Variants in PDPK1 observed in about 807,000 individuals in gnomAD.
The protein encoded by PDPK1 is 3-phosphoinositide dependent protein kinase 1, also known as 3-phosphoinositide-dependent protein kinase 1.
In PDPK1, 7 loss-of-function variants were observed where a neutral mutation model predicts 39.8. That is an observed-to-expected ratio of 0.18 (90% CI 0.10 to 0.33). PDPK1 has a LOEUF of 0.33. PDPK1 is among the 10% of genes least tolerant of loss of function. PDPK1 has a pLI of 1.00. For synonymous variants in PDPK1, 118 were observed against 159.1 expected (o/e 0.74, Z 1.95); for missense variants, 182 against 384.7 (o/e 0.47, Z 4.41).
At chr16:2,591,149 G>A (rs1597069302) in intron 11 of PDPK1, among the ~76,000 whole-genome samples, 3 of 152,208 alleles carry the variant, frequency 2.0e-5, no homozygotes, top group East Asian at 3.9e-4. Flanking sequence ...TTATAGTAGA[G>A]ACGTGGTTTC....
rs1428606651 is a variant in PDPK1, at chr16:2,544,950, A to G, written c.24+6814A>G. Among the ~76,000 whole-genome samples, 3 of 151,774 alleles carry G rather than the reference A, an allele frequency of 2.0e-5. No homozygotes were observed. In the East Asian group the frequency reaches 5.8e-4, roughly 29 times the overall value. Reference sequence around the variant, plus strand: ...CACACACATGATAGCATTTCACCCCAGAATCCTTCTCCAGATGCCTTCTGA... The same window carrying G: ...CACACACATGATAGCATTTCACCCCGGAATCCTTCTCCAGATGCCTTCTGA... On this transcript the variant is annotated intron_variant, in intron 1 of 13. Coordinates refer to ENST00000342085, the MANE Select transcript of PDPK1 (RefSeq NM_002613.5).
chr16:2,595,664 C>T (rs977454996), intron 11 of PDPK1, 129 bp from the exon 12 acceptor site: 1 of 735,460 alleles, frequency 1.4e-6, no homozygotes, highest in South Asian at 1.6e-5. Flanking sequence ...GTTCTCTGCT[C>T]ATCCCAAAGT....
chr16:2,597,817 G>A lies in PDPK1; in HGVS notation c.*50G>A, dbSNP rs770298078. 20 of 1,336,048 alleles carry A rather than the reference G, an allele frequency of 1.5e-5. No homozygotes were observed. The highest frequency in any genetic ancestry group is 8.3e-5 in the South Asian group (7 of 84,078). The allele number at this position is 1,336,048 out of a possible 1,614,324, so 82.8% of individuals were successfully genotyped here. A position where few individuals can be genotyped will look rare whatever the true frequency, so the allele number is the denominator to read the frequency against. On this transcript the variant is annotated 3_prime_UTR_variant, in exon 14 of 14. Coordinates refer to ENST00000342085, the MANE Select transcript of PDPK1 (RefSeq NM_002613.5). The surrounding 1 kb of genome is among the most constrained non-coding windows in gnomAD (Gnocchi z 6.3). ...TCGCTGCCAGGACACCTGCCCCAGCGCGGCTTGGCCGCCATCCGGGACGCT... is the reference window on the plus strand; with the variant it reads ...TCGCTGCCAGGACACCTGCCCCAGCACGGCTTGGCCGCCATCCGGGACGCT...
Position 2,586,826 on chromosome 16 carries a change from C to T in PDPK1, c.1276C>T (p.Leu426=), listed in dbSNP as rs1286944865. ...IHDLDSNSFE[L]DLQFSEDEKR... Reference sequence around the variant, plus strand: ...CGATCTGGACTCGAACTCCTTTGAACTGGACTTACAGTTTTCCGAAGATGA... The same window carrying T: ...CGATCTGGACTCGAACTCCTTTGAATTGGACTTACAGTTTTCCGAAGATGA... Residue 426 remains leucine, a synonymous_variant, in exon 11 of 14, where the codon CTG becomes TTG. Transcript: ENST00000342085. The T allele has an allele frequency of 1.2e-6, 2 of 1,614,148 alleles. No homozygotes were observed. Among genetic ancestry groups the T allele is most frequent in the South Asian group, 1.1e-5 (1 of 91,092 alleles).
chr16:2,538,273 C>G (rs984556564), intron 1 of PDPK1, 137 bp downstream of exon 1: 2 of 313,402 alleles, frequency 6.4e-6, no homozygotes, highest in South Asian at 1.1e-4. Flanking sequence ...GCGGCCGGGC[C>G]GGGGATGGCG....
In PDPK1 at chr16:2,551,828, A is replaced by G. The variant is rs1380695324; in HGVS notation, c.25-5875A>G. On this transcript the variant is annotated intron_variant, in intron 1 of 13. Transcript: ENST00000342085. ...ATTATAGCTGCACACCACCACACCCAGCTAATGTTTGTATCTTTAGTAGAG... is the reference window on the plus strand; with the variant it reads ...ATTATAGCTGCACACCACCACACCCGGCTAATGTTTGTATCTTTAGTAGAG... Among the ~76,000 whole-genome samples the G allele has an allele frequency of 2.6e-5, 4 of 151,120 alleles. No homozygotes were observed. In the East Asian group the frequency reaches 7.8e-4, roughly 29 times the overall value.
At chr16:2,550,568 C>T (rs2066395010) in intron 1 of PDPK1, 2 of 37,084 alleles carry the variant, frequency 5.4e-5, no homozygotes, top group Admixed American at 8.6e-4. Context: ...GTTTGTGTGA[C>T]AAATATACAA....
chr16:2,542,334 A>T (rs867021065), intron 1 of PDPK1, among the ~76,000 whole-genome samples: 1 of 150,148 alleles, frequency 6.7e-6, no homozygotes, highest in African/African-American at 2.5e-5. Context: ...TATTTATTTA[A>T]TTTATTTATT....
chr16:2,545,057 G>C (rs550874816), intron 1 of PDPK1, among the ~76,000 whole-genome samples: 1 of 136,352 alleles, frequency 7.3e-6, no homozygotes, highest in African/African-American at 2.8e-5. Flanking sequence ...TTTTTTTTGA[G>C]ATGGAATCTC....
intron 1 of PDPK1, among the ~76,000 whole-genome samples, chr16:2,545,299 C>T (rs960267601): frequency 2.0e-5 from 3 of 151,962 alleles, no homozygotes; most frequent in Non-Finnish European, 2.9e-5. Flanking sequence ...CACCTGTCCT[C>T]CTCAAAGCTC....
At position 2,545,427 on chromosome 16, in the gene PDPK1, G is replaced by C. The variant is rs138042455; in HGVS notation, c.24+7291G>C. On this transcript the variant is annotated intron_variant, in intron 1 of 13. Transcript: ENST00000342085. ...GCTCACTGCAGCCTTGAACTCCCTT[G>C]GGCTCAAGCCATCCTCCAGCCTTAG... Among the ~76,000 whole-genome samples the C allele has an allele frequency of 9.4e-4, 143 of 151,604 alleles. 1 individual carries two copies. In the East Asian group the frequency reaches 0.023, roughly 24 times the overall value.
intron 1 of PDPK1, chr16:2,538,608 C>A (rs2066182910): frequency 2.3e-6 from 3 of 1,288,772 alleles, no homozygotes; most frequent in Non-Finnish European, 2.0e-6. Flanking sequence ...CTCCTGGGCC[C>A]CCTTTTCCAG....
rs182493826 is a variant in PDPK1, at chr16:2,601,276, A to G, written c.*3509A>G. ...GATTCTGAACAAATCGGTTTCTGAT[A>G]AGCCATGTGTTCCAAAGAATGTCTG... On this transcript the variant is annotated 3_prime_UTR_variant, in exon 14 of 14. Coordinates refer to ENST00000342085, the MANE Select transcript of PDPK1 (RefSeq NM_002613.5). 1 of 234,544 alleles carries G rather than the reference A, an allele frequency of 4.3e-6. No homozygotes were observed. The highest frequency in any genetic ancestry group is 5.6e-5 in the Admixed American group (1 of 17,790). The allele number at this position is 234,544 out of a possible 1,614,324, so 14.5% of individuals were successfully genotyped here.
intron 1 of PDPK1, among the ~76,000 whole-genome samples, chr16:2,551,689 G>A (rs566095487): frequency 1.4e-5 from 2 of 143,122 alleles, no homozygotes; most frequent in African/African-American, 2.6e-5. Context: ...GTTTTTAGAC[G>A]GAGTTTCGCT....
intron 11 of PDPK1, chr16:2,592,695 T>C (rs571499316): frequency 3.8e-4 from 151 of 401,404 alleles, no homozygotes; most frequent in African/African-American, 2.9e-3. Context: ...AAAATCAAGG[T>C]GATTCCTGGA....
intron 2 of PDPK1, among the ~76,000 whole-genome samples, chr16:2,558,539 G>T (rs1435126879): frequency 6.7e-6 from 1 of 150,156 alleles, no homozygotes; most frequent in Non-Finnish European, 1.5e-5. Flanking sequence ...ACCTGTCTTC[G>T]GGGTGTTTTT....
intron 6 of PDPK1, among the ~76,000 whole-genome samples, chr16:2,573,756 A>G (rs3112673): frequency 1.4e-4 from 20 of 138,778 alleles, no homozygotes; most frequent in African/African-American, 2.8e-4. Flanking sequence ...AAAAAATAGA[A>G]TTGTGAATTT....
chr16:2,593,055 G>A lies in PDPK1; in HGVS notation c.1344-2738G>A, dbSNP rs2067023841. On this transcript the variant is annotated intron_variant, in intron 11 of 13. Coordinates refer to ENST00000342085, the MANE Select transcript of PDPK1 (RefSeq NM_002613.5). The surrounding 1 kb of genome is among the most constrained non-coding windows in gnomAD (Gnocchi z 4.2). ...TTTCTCAGGATGGATTTCTGGAAGCGAGGCTACTTCTCAGTACTATTTCCG... is the reference window on the plus strand; with the variant it reads ...TTTCTCAGGATGGATTTCTGGAAGCAAGGCTACTTCTCAGTACTATTTCCG... The A allele has an allele frequency of 2.2e-6, 1 of 456,466 alleles. No individual in the cohort carries two copies. The highest frequency in any genetic ancestry group is 4.4e-6 in the Non-Finnish European group (1 of 226,938). The allele number at this position is 456,466 out of a possible 1,614,324, so 28.3% of individuals were successfully genotyped here. A position where few individuals can be genotyped will look rare whatever the true frequency, so the allele number is the denominator to read the frequency against.
At chr16:2,556,253 T>C (rs2066492418) in intron 1 of PDPK1, 1 of 148,048 alleles carries the variant, frequency 6.8e-6, no homozygotes, top group Non-Finnish European at 1.5e-5. Context: ...ACCTGGTTAA[T>C]TTTTATATTT....
Sources: allele counts gnomAD v4.1 joint callset (sites outside exome capture counted in the v4.1 genomes callset), GRCh38; gene constraint gnomAD v4.1.1; non-coding constraint Gnocchi (gnomAD v3.1); transcripts MANE v1.5; gene names NCBI Gene and HGNC (gene_info 2026-07-23, HGNC 2026-07-21).